UMPS: variants seen among roughly 807,000 people sequenced by gnomAD.
UMPS encodes uridine 5'-monophosphate synthase.
A neutral mutation model predicts 38.9 loss-of-function variants in UMPS; 21 were observed. The observed-to-expected ratio is 0.54, with a 90% CI of 0.38 to 0.78. The LOEUF is 0.78. Ranked by LOEUF, UMPS falls within the 30% of genes least tolerant of loss-of-function variation. The pLI is 0.00. For synonymous variants in UMPS, 208 were observed against 219.3 expected (o/e 0.95, Z 0.45); for missense variants, 533 against 591.6 (o/e 0.90, Z 1.03).
intron 3 of UMPS, 27 bp from the exon 4 acceptor site, chr3:124,739,997 A>C (rs911603040): frequency 1.2e-6 from 2 of 1,613,280 alleles, no homozygotes; most frequent in African/African-American, 2.7e-5. Flanking sequence ...AAAATCAGCA[A>C]ATATCTTTTT....
At chr3:124,731,902 C>T (rs1184127058) in intron 1 of UMPS, among the ~76,000 whole-genome samples, 1 of 149,340 alleles carries the variant, frequency 6.7e-6, no homozygotes, top group Non-Finnish European at 1.5e-5. Context: ...AAAAAGAGAT[C>T]CTCTTACCTC....
Position 124,748,187 on chromosome 3 carries a change from C to T in UMPS, c.*4103C>T. 1 of 452,400 alleles carries T rather than the reference C, an allele frequency of 2.2e-6. No individual in the cohort carries two copies. Among genetic ancestry groups the T allele is most frequent in the South Asian group, 1.6e-5 (1 of 63,940 alleles). 28.0% of individuals were successfully genotyped at this position (452,400 alleles called of 1,614,324 possible). ...TCAAGTGATCCTCCTGCCTTGGCTT[C>T]CCAAAGTGCTAGGATTACAGGTGTG... On this transcript the variant is annotated 3_prime_UTR_variant, in exon 6 of 6. Coordinates refer to ENST00000232607, the MANE Select transcript of UMPS (RefSeq NM_000373.4).
At position 124,744,898 on chromosome 3, in the gene UMPS, C is replaced by A. The variant is rs763914466; in HGVS notation, c.*814C>A. 12 of 453,958 alleles carry A rather than the reference C, an allele frequency of 2.6e-5. No homozygotes were observed. The highest frequency in any genetic ancestry group is 1.7e-4 in the South Asian group (11 of 64,478). The allele number at this position is 453,958 out of a possible 1,614,324, so 28.1% of individuals were successfully genotyped here. On this transcript the variant is annotated 3_prime_UTR_variant, in exon 6 of 6. Coordinates refer to ENST00000232607, the MANE Select transcript of UMPS (RefSeq NM_000373.4). ...GCTGGTTCCCAGAACTGCCATTGCT[C>A]ACTCTCCAAAGAGGGGAAGGTGGGG...
At position 124,739,977 on chromosome 3, in the gene UMPS, G is replaced by A. The variant is rs531240399; in HGVS notation, c.983-47G>A. 11 of 1,599,490 alleles carry A rather than the reference G, an allele frequency of 6.9e-6. 1 individual carries two copies. In the East Asian group the frequency reaches 2.5e-4, roughly 36 times the overall value. ...TGGTTGGTTGGACAAGACGTTAGAG[G>A]TTTTGTTTGAAAATCAGCAAATATC... On this transcript the variant is annotated intron_variant, in intron 3 of 5. Transcript: ENST00000232607.
chr3:124,736,258 C>CA (rs948867031), intron 2 of UMPS, among the ~76,000 whole-genome samples: 88 of 151,534 alleles, frequency 5.8e-4, no homozygotes, highest in African/African-American at 2.1e-3. Context: ...GCAAGACTGT[C>CA]AAAAAATAAA....
chr3:124,735,291 C>T (rs773704175), intron 2 of UMPS, 45 bp downstream of exon 2: 1 of 1,559,018 alleles, frequency 6.4e-7, no homozygotes, highest in Admixed American at 1.7e-5. Flanking sequence ...TAATCTGTAA[C>T]ATCATACTCT....
chr3:124,734,262 A>T (rs546586435), intron 1 of UMPS, among the ~76,000 whole-genome samples: 63 of 140,178 alleles, frequency 4.5e-4, no homozygotes, highest in Admixed American at 1.5e-3. Flanking sequence ...TTGCTTTTTT[A>T]AAAAAAAAAT....
Position 124,747,579 on chromosome 3 carries a change from T to C in UMPS, c.*3495T>C, listed in dbSNP as rs886057891. On this transcript the variant is annotated 3_prime_UTR_variant, in exon 6 of 6. Coordinates refer to ENST00000232607, the MANE Select transcript of UMPS (RefSeq NM_000373.4). ...GCAGAGCCTACTCCAGCCTCCCCCG[T>C]CCAATGTATGAAAGCCCCAGCTGAT... The C allele has an allele frequency of 8.8e-6, 4 of 452,820 alleles. No homozygotes were observed. The highest frequency in any genetic ancestry group is 1.8e-5 in the Non-Finnish European group (4 of 225,802). 28.1% of individuals were successfully genotyped at this position (452,820 alleles called of 1,614,324 possible).
chr3:124,747,346 G>C lies in UMPS; in HGVS notation c.*3262G>C, dbSNP rs959539621. 1.1e-5 allele frequency: 5 copies of C among 455,006 alleles called. No homozygotes were observed. Among genetic ancestry groups the C allele is most frequent in the Non-Finnish European group, 2.2e-5 (5 of 226,808 alleles). 28.2% of individuals were successfully genotyped at this position (455,006 alleles called of 1,614,324 possible). A position where few individuals can be genotyped will look rare whatever the true frequency, so the allele number is the denominator to read the frequency against. ...TGCAGCCACAGGAGAGCCAACAGCA[G>C]AGGGTGCTGGCCGCTGAGCTAGCTG... On this transcript the variant is annotated 3_prime_UTR_variant, in exon 6 of 6. Transcript: ENST00000232607.
chr3:124,737,263 TAA>T, intron 2 of UMPS: 1 of 294,504 alleles, frequency 3.4e-6, no homozygotes, highest in Non-Finnish European at 6.4e-6. Context: ...TTTTTTAAAG[TAA>T]AAAAAAAACC....
intron 3 of UMPS, chr3:124,738,545 TTGTTAAC>T: frequency 2.7e-6 from 1 of 364,330 alleles, no homozygotes; most frequent in Non-Finnish European, 5.2e-6. Context: ...AACTGTGAGG[TTGTTAAC>T]TCTGTATGAC....
chr3:124,739,254 A>T (rs1255660687), intron 3 of UMPS, among the ~76,000 whole-genome samples: 3 of 152,232 alleles, frequency 2.0e-5, no homozygotes, highest in Non-Finnish European at 4.4e-5. Context: ...AGGAACACGT[A>T]GAAATATTGA....
Position 124,746,794 on chromosome 3 carries a change from T to TGTGTGTGTGTGC in UMPS, c.*2713_*2714insTGTGTGTGCGTG, listed in dbSNP as rs1579142283. 1 of 420,882 alleles carries TGTGTGTGTGTGC rather than the reference T, an allele frequency of 2.4e-6. No homozygotes were observed. Among genetic ancestry groups the TGTGTGTGTGTGC allele is most frequent in the African/African-American group, 2.2e-5 (1 of 44,816 alleles). 26.1% of individuals were successfully genotyped at this position (420,882 alleles called of 1,614,324 possible). On this transcript the variant is annotated 3_prime_UTR_variant, in exon 6 of 6. Transcript: ENST00000232607. ...GTGTGTGTGTGTGTGTGTGTGTGTG[T>TGTGTGTGTGTGC]GTGCATGCGCGCGCGTGCGCACTGG...
intron 1 of UMPS, among the ~76,000 whole-genome samples, chr3:124,731,880 GA>G (rs61322671): frequency 1.5e-3 from 182 of 121,440 alleles, no homozygotes; most frequent in Admixed American, 2.9e-3. Context: ...GACTGTCTCA[GA>G]AAAAAAAAAA....
rs2063580670 is a variant in UMPS at position 124,744,383 on chromosome 3, T to G, written c.*299T>G. ...CACATTTGAGGATCCTTCCTATCTCTCCATGGGACTAGACTGCTTTGTTAT... is the reference window on the plus strand; with the variant it reads ...CACATTTGAGGATCCTTCCTATCTCGCCATGGGACTAGACTGCTTTGTTAT... On this transcript the variant is annotated 3_prime_UTR_variant, in exon 6 of 6. Coordinates refer to ENST00000232607, the MANE Select transcript of UMPS (RefSeq NM_000373.4). The G allele has an allele frequency of 8.1e-6, 4 of 495,850 alleles. No individual in the cohort carries two copies. Among genetic ancestry groups the G allele is most frequent in the South Asian group, 4.6e-5 (3 of 64,864 alleles). 30.7% of individuals were successfully genotyped at this position (495,850 alleles called of 1,614,324 possible). A position where few individuals can be genotyped will look rare whatever the true frequency, so the allele number is the denominator to read the frequency against.
intron 2 of UMPS, 69 bp downstream of exon 2, chr3:124,735,315 C>A: frequency 7.1e-7 from 1 of 1,400,032 alleles, no homozygotes; most frequent in Non-Finnish European, 9.9e-7. Flanking sequence ...AATTTTTCCG[C>A]TTCTGTGCAC....
chr3:124,736,098 G>A (rs1468358164), intron 2 of UMPS, among the ~76,000 whole-genome samples: 1 of 151,846 alleles, frequency 6.6e-6, no homozygotes, highest in Non-Finnish European at 1.5e-5. Flanking sequence ...CTTTGGCAAC[G>A]TTTGTCTCTA....
intron 5 of UMPS, among the ~76,000 whole-genome samples, chr3:124,743,412 C>T (rs9875527): frequency 0.18 from 26,905 of 150,988 alleles, 2,566 homozygotes; most frequent in Admixed American, 0.26. Flanking sequence ...CTGAGGCGGG[C>T]GGATCATGAG....
chr3:124,746,350 G>A lies in UMPS; in HGVS notation c.*2266G>A, dbSNP rs759136679. ...TTGTGGTTTGCCCAGCAGCCTGGGC[G>A]TGTGCATTTCTAATGGGTGCCTCAA... On this transcript the variant is annotated 3_prime_UTR_variant, in exon 6 of 6. Coordinates refer to ENST00000232607, the MANE Select transcript of UMPS (RefSeq NM_000373.4). The A allele has an allele frequency of 1.8e-5, 8 of 454,012 alleles. No individual in the cohort carries two copies. The highest frequency in any genetic ancestry group is 8.0e-5 in the African/African-American group (4 of 50,014). The allele number at this position is 454,012 out of a possible 1,614,324, so 28.1% of individuals were successfully genotyped here.
Sources: gnomAD v4.1 joint callset for allele counts (sites outside exome capture counted in the v4.1 genomes callset) on GRCh38, gnomAD v4.1.1 for gene constraint, MANE v1.5 for transcripts, NCBI Gene and HGNC (gene_info 2026-07-23, HGNC 2026-07-21) for gene names.